The following FOXP1 variants were observed in gnomAD, a reference collection of about 807,000 sequenced individuals.
FOXP1 encodes forkhead box P1, also known as forkhead box protein P1.
Under a neutral mutation model 98.2 loss-of-function variants are expected in FOXP1, and 15 were observed. The observed-to-expected ratio is 0.15, with a 90% CI of 0.10 to 0.24. FOXP1 has a LOEUF of 0.24. Ranked by LOEUF, FOXP1 falls within the 10% of genes least tolerant of loss-of-function variation. FOXP1 has a pLI of 1.00. For synonymous variants in FOXP1, 371 were observed against 314.5 expected (o/e 1.18, Z -1.90); for missense variants, 633 against 848.5 (o/e 0.75, Z 3.15).
intron 14 of FOXP1, among the ~76,000 whole-genome samples, chr3:70,987,727 C>G (rs559756747): frequency 2.0e-5 from 3 of 152,206 alleles, no homozygotes; most frequent in African/African-American, 7.2e-5. Context: ...CTTGCTTGGG[C>G]ACCAATCATT....
At chr3:71,114,782 G>A (rs1559958801) in intron 6 of FOXP1, among the ~76,000 whole-genome samples, 1 of 152,188 alleles carries the variant, frequency 6.6e-6, no homozygotes, top group Non-Finnish European at 1.5e-5. Flanking sequence ...AAGCCAAGAC[G>A]CCTGGGAGAG....
chr3:71,583,794 C>T (rs1350277353), upstream of FOXP1: 7 of 986,880 alleles, frequency 7.1e-6, 1 homozygote, highest in South Asian at 9.0e-5. Flanking sequence ...TCCCGGAGCC[C>T]AGCCAGCGCC....
At chr3:71,408,424 G>A (rs13068865) in intron 3 of FOXP1, among the ~76,000 whole-genome samples, 7,786 of 152,206 alleles carry the variant, frequency 0.051, 245 homozygotes, top group Non-Finnish European at 0.058. Flanking sequence ...GCACACAGCC[G>A]TTACCATGCG....
At chr3:71,436,847 C>T (rs911426070) in intron 3 of FOXP1, among the ~76,000 whole-genome samples, 1 of 152,178 alleles carries the variant, frequency 6.6e-6, no homozygotes, top group African/African-American at 2.4e-5. Context: ...TTTGGCGTAA[C>T]TTTGACATCT....
chr3:71,230,082 G>A (rs1290995907), intron 5 of FOXP1, among the ~76,000 whole-genome samples: 10 of 111,104 alleles, frequency 9.0e-5, no homozygotes, highest in Non-Finnish European at 1.2e-4. Flanking sequence ...AGGGCTGCAG[G>A]AAAAGATACC....
At chr3:71,525,844 A>C (rs2107495568) in intron 2 of FOXP1, among the ~76,000 whole-genome samples, 1 of 152,248 alleles carries the variant, frequency 6.6e-6, no homozygotes, top group Non-Finnish European at 1.5e-5. Context: ...GGCCGGGTGC[A>C]GTGGCTCACG....
intron 5 of FOXP1, among the ~76,000 whole-genome samples, chr3:71,258,882 A>G (rs964077504): frequency 3.9e-5 from 6 of 152,158 alleles, no homozygotes; most frequent in African/African-American, 1.4e-4. Flanking sequence ...ACAGTGGCTC[A>G]TGCCTGTAAT....
At chr3:71,540,087 G>C (rs1287974403) in intron 2 of FOXP1, among the ~76,000 whole-genome samples, 2 of 152,196 alleles carry the variant, frequency 1.3e-5, no homozygotes, top group African/African-American at 2.4e-5. Context: ...TCAAGCCCTA[G>C]GTTGGTCTTA....
rs966188584 is a variant in FOXP1, at chr3:71,029,390, C to CT, written c.869+11937dup. Among the ~76,000 whole-genome samples, 23 of 149,060 alleles carry CT rather than the reference C, an allele frequency of 1.5e-4. No homozygotes were observed. The South Asian group carries it at 1.7e-3, about 11-fold the overall frequency. ...CACACTATGATGTTCCACTAGTGCT[C>CT]TTTTTTTTTTATTTTTTTGAGACAG... On this transcript the variant is annotated intron_variant, in intron 11 of 20. Coordinates refer to ENST00000649528, the MANE Select transcript of FOXP1 (RefSeq NM_001349338.3).
At chr3:71,263,265 T>C (rs750328957) in intron 5 of FOXP1, among the ~76,000 whole-genome samples, 3 of 151,980 alleles carry the variant, frequency 2.0e-5, no homozygotes, top group Non-Finnish European at 4.4e-5. Flanking sequence ...CTGAGAGCAA[T>C]TGAAACCTGT....
rs112484086 is a variant in FOXP1 at position 71,281,056 on chromosome 3, A to G, written c.-12+18764T>C. Reference sequence around the variant, plus strand: ...CTTCTCTACAAAAAAAAAAAAAAAAAAAAAAGAAGAAGAAGAAGAAAAAGT... The same window carrying G: ...CTTCTCTACAAAAAAAAAAAAAAAAGAAAAAGAAGAAGAAGAAGAAAAAGT... On this transcript the variant is annotated intron_variant, in intron 5 of 20. Coordinates refer to ENST00000649528, the MANE Select transcript of FOXP1 (RefSeq NM_001349338.3). Among the ~76,000 whole-genome samples the G allele has an allele frequency of 8.4e-3, 1,257 of 148,792 alleles. 19 individuals carry two copies. The highest frequency in any genetic ancestry group is 0.031 in the African/African-American group (1,204 of 39,354).
intron 6 of FOXP1, among the ~76,000 whole-genome samples, chr3:71,144,621 G>A (rs1282926822): frequency 4.6e-5 from 7 of 152,196 alleles, no homozygotes; most frequent in African/African-American, 7.2e-5. Flanking sequence ...GACAGAACGG[G>A]CGAGGAGGCT....
rs556459496 is a variant in FOXP1, at chr3:71,498,676, A to G, written c.-297-5121T>C. On this transcript the variant is annotated intron_variant, in intron 2 of 20. Coordinates refer to ENST00000649528, the MANE Select transcript of FOXP1 (RefSeq NM_001349338.3). ...ATCACGGGCATTTCTGAGCATGCCA[A>G]CAAAGGCCCTCTCAGCAAACTGACA... Among the ~76,000 whole-genome samples the G allele has an allele frequency of 7.4e-4, 113 of 152,344 alleles. 1 individual carries two copies. The highest frequency in any genetic ancestry group is 3.1e-3 in the South Asian group (15 of 4,830).
chr3:71,003,419 CCTT>C (rs748608741), intron 12 of FOXP1, among the ~76,000 whole-genome samples: 2 of 151,256 alleles, frequency 1.3e-5, no homozygotes, highest in Non-Finnish European at 2.9e-5. Context: ...CCCTAAGACT[CCTT>C]ATTTTTTTTT....
chr3:71,136,183 T>C (rs1385455503), intron 6 of FOXP1, among the ~76,000 whole-genome samples: 3 of 152,222 alleles, frequency 2.0e-5, no homozygotes, highest in African/African-American at 7.2e-5. Flanking sequence ...TTTAATTCAA[T>C]TGGCAATCTG....
intron 5 of FOXP1, among the ~76,000 whole-genome samples, chr3:71,270,076 T>G (rs1376439706): frequency 2.0e-5 from 3 of 152,140 alleles, no homozygotes; most frequent in Non-Finnish European, 4.4e-5. Context: ...CAAAGTACAT[T>G]ACAGCTCATG....
intron 7 of FOXP1, among the ~76,000 whole-genome samples, chr3:71,063,511 T>C (rs1043767881): frequency 3.3e-5 from 5 of 152,242 alleles, no homozygotes. Flanking sequence ...AAACTCGTTA[T>C]ATAAAAACAA....
chr3:71,137,424 C>T (rs1342421758), intron 6 of FOXP1, among the ~76,000 whole-genome samples: 5 of 152,138 alleles, frequency 3.3e-5, no homozygotes, highest in Non-Finnish European at 2.9e-5. Context: ...TTCTCTGCTG[C>T]GGGAAGCTTA....
At chr3:71,521,235 A>C (rs891467685) in intron 2 of FOXP1, among the ~76,000 whole-genome samples, 4 of 152,152 alleles carry the variant, frequency 2.6e-5, no homozygotes, top group African/African-American at 9.7e-5. Flanking sequence ...AAGTAAATAT[A>C]AGAAGGGGCC....
Sources: allele counts gnomAD v4.1 joint callset (sites outside exome capture counted in the v4.1 genomes callset), GRCh38; gene constraint gnomAD v4.1.1; transcripts MANE v1.5; gene names NCBI Gene and HGNC (gene_info 2026-07-23, HGNC 2026-07-21).